Variants in SPP2 observed in about 807,000 individuals in gnomAD.
The protein encoded by SPP2 is secreted phosphoprotein 2, also known as secreted phosphoprotein 24.
A neutral mutation model predicts 28.8 loss-of-function variants in SPP2; 34 were observed. The ratio of observed to expected loss-of-function variants is 1.18; its 90% confidence interval spans 0.90 to 1.57. SPP2 has a LOEUF of 1.57. Ranked by LOEUF, SPP2 falls within the 40% of genes most tolerant of loss-of-function variation. SPP2 has a pLI of 0.00. For missense variants in SPP2, 269 were observed against 263.9 expected (o/e 1.02, Z -0.13); for synonymous variants, 96 against 89.4 (o/e 1.07, Z -0.42).
chr2:234,069,132 A>T (rs567831517), intron 6 of SPP2, among the ~76,000 whole-genome samples: 1 of 152,098 alleles, frequency 6.6e-6, no homozygotes, highest in East Asian at 1.9e-4. Context: ...TTTCCATAAG[A>T]CTTCTGAATG....
At chr2:234,075,596 C>T (rs900922139) in intron 7 of SPP2, among the ~76,000 whole-genome samples, 2 of 152,156 alleles carry the variant, frequency 1.3e-5, no homozygotes, top group African/African-American at 4.8e-5. Context: ...CCGGCTTCTT[C>T]CTGCTGCCCC....
chr2:234,065,619 A>G (rs554843503), intron 4 of SPP2, among the ~76,000 whole-genome samples: 1 of 152,300 alleles, frequency 6.6e-6, no homozygotes, highest in Admixed American at 6.5e-5. Context: ...ACGACTAATG[A>G]TTGGCCATTA....
intron 2 of SPP2, among the ~76,000 whole-genome samples, chr2:234,054,991 C>T (rs1693577272): frequency 6.6e-6 from 1 of 152,174 alleles, no homozygotes; most frequent in Admixed American, 6.5e-5. Flanking sequence ...TTATTCTCAG[C>T]TAGCCATTTC....
At chr2:234,062,696 A>T (rs1693744293) in intron 4 of SPP2, among the ~76,000 whole-genome samples, 1 of 152,222 alleles carries the variant, frequency 6.6e-6, no homozygotes, top group Non-Finnish European at 1.5e-5. Context: ...AGGGCTTAGT[A>T]GTGAATGTTG....
chr2:234,060,288 T>A (rs775850424), intron 3 of SPP2, 81 bp from the exon 4 acceptor site: 198 of 949,042 alleles, frequency 2.1e-4, no homozygotes, highest in Non-Finnish European at 3.0e-4. Context: ...AACCTGACAT[T>A]TATTTTCCTG....
chr2:234,068,748 C>CTTTTTTTTTTTTTT, intron 6 of SPP2, among the ~76,000 whole-genome samples: 1 of 149,232 alleles, frequency 6.7e-6, no homozygotes. Flanking sequence ...CAAACATTTG[C>CTTTTTTTTTTTTTT]CCTTGGATTT....
chr2:234,059,065 GC>G, intron 3 of SPP2, 107 bp downstream of exon 3: 1 of 1,354,678 alleles, frequency 7.4e-7, no homozygotes, highest in Non-Finnish European at 1.0e-6. Context: ...CTAGCATCTG[GC>G]CACACTGCTA....
At chr2:234,067,361 G>A (rs1693843298) in intron 6 of SPP2, 87 bp downstream of exon 6, 5 of 1,199,564 alleles carry the variant, frequency 4.2e-6, no homozygotes, top group Non-Finnish European at 6.1e-6. Flanking sequence ...GCTGTTTCCT[G>A]TTTCATAGGA....
chr2:234,065,786 G>C (rs566514477), intron 4 of SPP2, among the ~76,000 whole-genome samples: 92 of 152,138 alleles, frequency 6.0e-4, no homozygotes, highest in Non-Finnish European at 1.1e-3. Flanking sequence ...ATTAAATTTT[G>C]ATGAACTCCA....
At chr2:234,074,560 C>T (rs1313591379) in intron 7 of SPP2, among the ~76,000 whole-genome samples, 1 of 152,170 alleles carries the variant, frequency 6.6e-6, no homozygotes, top group Non-Finnish European at 1.5e-5. Context: ...TATTCATTTA[C>T]ACTTACTCTG....
rs530741900 is a variant in SPP2, at chr2:234,058,056, T to C, written c.211-780T>C. On this transcript the variant is annotated intron_variant, in intron 2 of 7. Coordinates refer to ENST00000168148, the MANE Select transcript of SPP2 (RefSeq NM_006944.3). The stretch of plus-strand genomic sequence containing the variant: ...CACAACATTTTCATCAACCCATCAA[T>C]ACTAACCTTGTTTTTGTGAGTTCCT... Among the ~76,000 whole-genome samples the C allele has an allele frequency of 4.6e-5, 7 of 152,344 alleles. No homozygotes were observed. In the South Asian group the frequency reaches 1.0e-3, roughly 23 times the overall value.
At chr2:234,058,768 C>A in intron 2 of SPP2, 68 bp from the exon 3 acceptor site, 1 of 1,532,400 alleles carries the variant, frequency 6.5e-7, no homozygotes, top group South Asian at 1.3e-5. Flanking sequence ...GGGGTAGAGA[C>A]AATGATTTAT....
At chr2:234,063,848 C>T (rs964696082) in intron 4 of SPP2, among the ~76,000 whole-genome samples, 4 of 151,958 alleles carry the variant, frequency 2.6e-5, no homozygotes, top group African/African-American at 9.7e-5. Flanking sequence ...GACACGAGAC[C>T]CAAAATAAGA....
At chr2:234,056,565 A>C (rs887471588) in intron 2 of SPP2, among the ~76,000 whole-genome samples, 8 of 152,122 alleles carry the variant, frequency 5.3e-5, no homozygotes, top group African/African-American at 9.7e-5. Context: ...CTGTACCCCC[A>C]AAAAACTCAC....
intron 7 of SPP2, among the ~76,000 whole-genome samples, chr2:234,073,000 G>C (rs541670360): frequency 8.7e-4 from 133 of 152,282 alleles, no homozygotes; most frequent in African/African-American, 3.2e-3. Flanking sequence ...CGATTCTCCT[G>C]CCTCAGCCTC....
rs1172548535 is a variant in SPP2, at chr2:234,050,739, T to C, written c.-48T>C. Reference sequence around the variant, plus strand: ...AGACAGCTCCTCTTAGGAAGAACTGTCATCCCCAAACACATAGAGAGACAC... The same window carrying C: ...AGACAGCTCCTCTTAGGAAGAACTGCCATCCCCAAACACATAGAGAGACAC... On this transcript the variant is annotated 5_prime_UTR_variant, in exon 1 of 8. Transcript: ENST00000168148. The C allele has an allele frequency of 6.5e-7, 1 of 1,549,952 alleles. No homozygotes were observed. Among genetic ancestry groups the C allele is most frequent in the Non-Finnish European group, 8.9e-7 (1 of 1,123,148 alleles).
intron 2 of SPP2, among the ~76,000 whole-genome samples, chr2:234,052,435 T>C (rs906432077): frequency 1.3e-5 from 2 of 152,182 alleles, no homozygotes; most frequent in African/African-American, 2.4e-5. Flanking sequence ...AAGTTAGCAG[T>C]TTATTAGATG....
intron 4 of SPP2, among the ~76,000 whole-genome samples, chr2:234,065,971 G>T (rs1327118059): frequency 6.6e-6 from 1 of 152,110 alleles, no homozygotes; most frequent in East Asian, 1.9e-4. Context: ...CTCTTAAATT[G>T]TCTTGGTATG....
chr2:234,071,769 T>C (rs1189841484), intron 7 of SPP2, among the ~76,000 whole-genome samples: 1 of 152,242 alleles, frequency 6.6e-6, no homozygotes, highest in Non-Finnish European at 1.5e-5. Flanking sequence ...ACTGAGGTAC[T>C]TGCAGCTCCT....
Sources: allele counts gnomAD v4.1 joint callset (sites outside exome capture counted in the v4.1 genomes callset), GRCh38; gene constraint gnomAD v4.1.1; transcripts MANE v1.5; gene names NCBI Gene and HGNC (gene_info 2026-07-23, HGNC 2026-07-21).